POLR3B: variants seen among roughly 807,000 people sequenced by gnomAD.
POLR3B encodes RNA polymerase III subunit B, also known as DNA-directed RNA polymerase III subunit RPC2.
POLR3B carries 96 observed loss-of-function variants against 147.4 expected under a neutral mutation model. The ratio of observed to expected loss-of-function variants is 0.65; its 90% CI spans 0.55 to 0.77. POLR3B has a LOEUF of 0.77. POLR3B is among the 30% of genes least tolerant of loss of function. The probability of loss-of-function intolerance (pLI) is 0.00; values close to 1 mark genes in which losing one functional copy is unlikely to be tolerated. For missense variants in POLR3B, 1,036 were observed against 1,413.5 expected (o/e 0.73, Z 4.28); for synonymous variants, 461 against 485.9 (o/e 0.95, Z 0.67).
chr12:106,387,321 C>T (rs958696437), intron 9 of POLR3B, among the ~76,000 whole-genome samples: 2 of 152,094 alleles, frequency 1.3e-5, no homozygotes, highest in African/African-American at 4.8e-5. Context: ...TTTACTTAAC[C>T]ACTTTCCTCT....
chr12:106,435,986 A>G (rs1382598116), intron 16 of POLR3B, among the ~76,000 whole-genome samples: 1 of 152,132 alleles, frequency 6.6e-6, no homozygotes, highest in Non-Finnish European at 1.5e-5. Flanking sequence ...CTGTCTTCTC[A>G]TCTGAGGCTT....
Position 106,496,863 on chromosome 12 carries a change from G to T in POLR3B, c.2929G>T (p.Val977Phe), listed in dbSNP as rs199545845. 1 of 1,614,040 alleles carries T rather than the reference G, an allele frequency of 6.2e-7. No homozygotes were observed. The highest frequency in any genetic ancestry group is 8.5e-7 in the Non-Finnish European group (1 of 1,179,976). The change falls in exon 25 of 28, where the codon GTT (valine) becomes TTT (phenylalanine). Residue 977 changes from valine (V) to phenylalanine (F), a missense_variant. By Grantham distance (50) the Val-to-Phe change is conservative. Coordinates refer to ENST00000228347, the MANE Select transcript of POLR3B (RefSeq NM_018082.6). ...SKVKDVCEDL[V>F]RHGYNYLGKD... The stretch of plus-strand genomic sequence containing the variant: ...AGTGAAGGATGTGTGTGAGGACCTC[G>T]TTCGCCATGGTTATAACTACTTGGG...
chr12:106,388,436 G>A (rs1288069182), intron 9 of POLR3B, among the ~76,000 whole-genome samples: 1 of 151,940 alleles, frequency 6.6e-6, no homozygotes, highest in East Asian at 1.9e-4. Context: ...TTCTGCCTCA[G>A]CCTCCCAAGT....
At chr12:106,470,578 A>G (rs2038075973) in intron 23 of POLR3B, among the ~76,000 whole-genome samples, 1 of 152,022 alleles carries the variant, frequency 6.6e-6, no homozygotes. Flanking sequence ...GTTTCTCCCC[A>G]TCTTTTTGTG....
Position 106,358,251 on chromosome 12 carries a change from C to T in POLR3B, c.72+300C>T, listed in dbSNP as rs1208946384. On this transcript the variant is annotated intron_variant, in intron 1 of 27. Coordinates refer to ENST00000228347, the MANE Select transcript of POLR3B (RefSeq NM_018082.6). ...TGCGTGGGGAGGACTGACCCTCGCA[C>T]TTACTGTGGGGGACGTATTGCATGT... The T allele has an allele frequency of 4.4e-6, 6 of 1,350,680 alleles. No individual in the cohort carries two copies. In the South Asian group the frequency reaches 9.1e-5, roughly 20 times the overall value. The allele number at this position is 1,350,680 out of a possible 1,614,324, so 83.7% of individuals were successfully genotyped here.
Position 106,504,084 on chromosome 12 carries a change from A to T in POLR3B, c.3102A>T (p.Gln1034His). Residue 1034 changes from glutamine to histidine, a missense_variant, in exon 27 of 28, where the codon CAA (glutamine) becomes CAT (histidine). Around this residue, in one of 12 missense-constraint regions of POLR3B, gnomAD observed 18 missense variants for 73.4 expected, o/e 0.25. Transcript: ENST00000228347. The surrounding 1 kb of genome is among the most constrained non-coding windows in gnomAD (Gnocchi z 4.6). ...TGTCTAATAACTTGTTTCAAAGGCAACCCACTGAAGGACGGTCTCGTGATG... is the reference window on the plus strand; with the variant it reads ...TGTCTAATAACTTGTTTCAAAGGCATCCCACTGAAGGACGGTCTCGTGATG... ...ARGPRAVLTR[Q>H]PTEGRSRDGG... 2 of 1,613,808 alleles carry T rather than the reference A, an allele frequency of 1.2e-6. No individual in the cohort carries two copies. Among genetic ancestry groups the T allele is most frequent in the Admixed American group, 1.7e-5 (1 of 59,988 alleles).
At chr12:106,418,047 A>T (rs1218567325) in intron 12 of POLR3B, among the ~76,000 whole-genome samples, 1 of 152,230 alleles carries the variant, frequency 6.6e-6, no homozygotes, top group Non-Finnish European at 1.5e-5. Flanking sequence ...ATGAGGGAGC[A>T]TAAATGTGCT....
In POLR3B at chr12:106,400,655, C is replaced by T. The variant is rs1593019762; in HGVS notation, c.847-5202C>T. Among the ~76,000 whole-genome samples the T allele has an allele frequency of 3.3e-5, 5 of 152,288 alleles. No homozygotes were observed. In the South Asian group the frequency reaches 1.0e-3, roughly 32 times the overall value. On this transcript the variant is annotated intron_variant, in intron 10 of 27. Coordinates refer to ENST00000228347, the MANE Select transcript of POLR3B (RefSeq NM_018082.6). ...AGACCACAGTGGAATCAAACTAGAA[C>T]TCAGGATTAAGAAACTCACTCAAAA...
In POLR3B at chr12:106,506,699, T is replaced by C. The variant is rs2038693535; in HGVS notation, c.3272+2445T>C. Among the ~76,000 whole-genome samples the C allele has an allele frequency of 1.3e-5, 2 of 152,254 alleles. 1 individual carries two copies. Among genetic ancestry groups the C allele is most frequent in the South Asian group, 4.2e-4 (2 of 4,818 alleles). On this transcript the variant is annotated intron_variant, in intron 27 of 27. Transcript: ENST00000228347. ...TAAATCAGGTTATACAGTTTGAGGG[T>C]CTTTACTGTAATTAAACAGACCTCA...
intron 10 of POLR3B, among the ~76,000 whole-genome samples, chr12:106,399,413 A>T (rs1386829819): frequency 3.9e-5 from 6 of 152,232 alleles, no homozygotes; most frequent in African/African-American, 1.4e-4. Context: ...GCAGGATATT[A>T]TCCAGGAGAA....
At position 106,369,610 on chromosome 12, in the gene POLR3B, G is replaced by T. The variant is rs762031872; in HGVS notation, c.331G>T (p.Ala111Ser). The change falls in exon 6 of 28, where the codon GCC becomes TCC. Residue 111 changes from alanine (A) to serine (S), a missense_variant. This residue lies in a region of POLR3B where 150 missense variants were observed against 145.5 expected (regional missense o/e 1.03). Coordinates refer to ENST00000228347, the MANE Select transcript of POLR3B (RefSeq NM_018082.6). Reference sequence around the variant, plus strand: ...CCGTTTGAGAGACATGACATACTCTGCCCCTATTACAGTGGATATTGAATA... The same window carrying T: ...CCGTTTGAGAGACATGACATACTCTTCCCCTATTACAGTGGATATTGAATA... ...ECRLRDMTYS[A>S]PITVDIEYTR... 2 of 1,612,124 alleles carry T rather than the reference G, an allele frequency of 1.2e-6. No homozygotes were observed. Among genetic ancestry groups the T allele is most frequent in the East Asian group, 4.5e-5 (2 of 44,864 alleles).
rs1175928973 is a variant in POLR3B at position 106,509,567 on chromosome 12, A to G, written c.*18A>G. ...ATGAATGAGGATGGAAAAAATGATTATTAAAGAGAACAAGTGATACATCCA... is the reference window on the plus strand; with the variant it reads ...ATGAATGAGGATGGAAAAAATGATTGTTAAAGAGAACAAGTGATACATCCA... On this transcript the variant is annotated 3_prime_UTR_variant, in exon 28 of 28. Transcript: ENST00000228347. The G allele has an allele frequency of 6.2e-7, 1 of 1,606,172 alleles. No homozygotes were observed. Among genetic ancestry groups the G allele is most frequent in the Non-Finnish European group, 8.5e-7 (1 of 1,173,452 alleles).
rs1254897650 is a variant in POLR3B, at chr12:106,357,963, G to A, written c.72+12G>A. On this transcript the variant is annotated intron_variant, in intron 1 of 27. Coordinates refer to ENST00000228347, the MANE Select transcript of POLR3B (RefSeq NM_018082.6). Reference sequence around the variant, plus strand: ...TCCCGACTGTAGAGGTCAGTGCCAGGCACGCAGGGAGCGTCAGGGACAAGG... The same window carrying A: ...TCCCGACTGTAGAGGTCAGTGCCAGACACGCAGGGAGCGTCAGGGACAAGG... The A allele has an allele frequency of 1.2e-6, 2 of 1,611,824 alleles. No individual in the cohort carries two copies. The highest frequency in any genetic ancestry group is 1.7e-5 in the Admixed American group (1 of 59,996).
intron 12 of POLR3B, among the ~76,000 whole-genome samples, chr12:106,414,646 T>C (rs1033959784): frequency 6.6e-6 from 1 of 152,154 alleles, no homozygotes; most frequent in Non-Finnish European, 1.5e-5. Context: ...TTCACCTCAT[T>C]TTTAATATGT....
chr12:106,413,306 A>G lies in POLR3B; in HGVS notation c.1101+2346A>G, dbSNP rs370352283. ...AGAGTGAGAATTTTGTTAGATGTAC[A>G]ATTCTAGATTGATATTTATTATGTG... On this transcript the variant is annotated intron_variant, in intron 12 of 27. Transcript: ENST00000228347. Among the ~76,000 whole-genome samples the G allele has an allele frequency of 2.0e-4, 31 of 152,250 alleles. No homozygotes were observed. In the East Asian group the frequency reaches 5.0e-3, roughly 25 times the overall value.
At chr12:106,394,602 T>C (rs140393646) in intron 10 of POLR3B, among the ~76,000 whole-genome samples, 256 of 152,312 alleles carry the variant, frequency 1.7e-3, no homozygotes, top group Admixed American at 3.1e-3. Flanking sequence ...AACATCATCA[T>C]TGGGGTCAAA....
At chr12:106,457,537 T>C (rs1202245326) in intron 21 of POLR3B, among the ~76,000 whole-genome samples, 1 of 152,206 alleles carries the variant, frequency 6.6e-6, no homozygotes, top group Admixed American at 6.5e-5. Context: ...TTTTGAATAA[T>C]AGAAAAGCCA....
intron 12 of POLR3B, among the ~76,000 whole-genome samples, chr12:106,414,655 G>T (rs1011594543): frequency 1.3e-5 from 2 of 152,088 alleles, no homozygotes; most frequent in African/African-American, 2.4e-5. Context: ...TTTTTAATAT[G>T]TTTTATCCAG....
At chr12:106,464,953 A>G (rs778182174) in intron 23 of POLR3B, among the ~76,000 whole-genome samples, 3 of 152,218 alleles carry the variant, frequency 2.0e-5, no homozygotes, top group Non-Finnish European at 4.4e-5. Flanking sequence ...TAGCCTGCCA[A>G]TATTTTTAAG....
Sources: allele counts gnomAD v4.1 joint callset (sites outside exome capture counted in the v4.1 genomes callset), GRCh38; gene constraint gnomAD v4.1.1; regional missense constraint gnomAD v4.1.1; non-coding constraint Gnocchi (gnomAD v3.1); transcripts MANE v1.5; gene names NCBI Gene and HGNC (gene_info 2026-07-23, HGNC 2026-07-21).